Variants in CCDC88C observed in about 807,000 individuals in gnomAD.
CCDC88C encodes protein Daple.
In CCDC88C, 131 loss-of-function variants were observed where a neutral mutation model predicts 198.8. The ratio of observed to expected loss-of-function variants is 0.66; its 90% CI spans 0.57 to 0.76. The LOEUF is 0.76. CCDC88C is among the 30% of genes least tolerant of loss of function. The probability of loss-of-function intolerance (pLI) is 0.00; values close to 1 mark genes in which losing one functional copy is unlikely to be tolerated. For missense variants in CCDC88C, 2,553 were observed against 2,631.6 expected (o/e 0.97, Z 0.65); for synonymous variants, 1,166 against 1,114.7 (o/e 1.05, Z -0.92).
chr14:91,304,105 AC>A, intron 19 of CCDC88C, 127 bp from the exon 20 acceptor site: 1 of 1,081,910 alleles, frequency 9.2e-7, no homozygotes, highest in Non-Finnish European at 1.3e-6. Context: ...CCCAGAGGGT[AC>A]CCAGGATGGC....
chr14:91,364,275 T>A (rs60542501), intron 3 of CCDC88C, among the ~76,000 whole-genome samples: 3,098 of 152,286 alleles, frequency 0.02, 110 homozygotes, highest in African/African-American at 0.07. Flanking sequence ...GGCATTGCAA[T>A]CCAGGGTAGA....
chr14:91,272,669 C>T lies in CCDC88C; in HGVS notation c.6043G>A (p.Gly2015Ser), dbSNP rs367905673. ...SKSSPASPEP[G>S]GDPQTVWYEY... is the part of the protein sequence containing the mutation. ...TACCACACGGTCTGCGGATCCCCGC[C>T]GGGCTCCGGGGAGGCCGGACTGCTC... The change falls in exon 30 of 30, where the codon GGC (glycine) becomes AGC (serine). Residue 2015 changes from glycine (G) to serine (S), a missense_variant. By Grantham distance (56) the Gly-to-Ser change is moderately conservative. Coordinates refer to ENST00000389857, the MANE Select transcript of CCDC88C (RefSeq NM_001080414.4). 361 of 1,611,620 alleles carry T rather than the reference C, an allele frequency of 2.2e-4. 5 individuals carry two copies. The South Asian group carries it at 2.8e-3, about 13-fold the overall frequency.
chr14:91,322,741 C>G (rs536057735), intron 12 of CCDC88C, among the ~76,000 whole-genome samples: 15 of 152,160 alleles, frequency 9.9e-5, no homozygotes, highest in Admixed American at 3.3e-4. Context: ...CAACCATCAC[C>G]ACCATCCCTT....
At chr14:91,324,319 C>G (rs1396051917) in intron 12 of CCDC88C, among the ~76,000 whole-genome samples, 2 of 152,236 alleles carry the variant, frequency 1.3e-5, no homozygotes, top group Non-Finnish European at 2.9e-5. Flanking sequence ...ACTCAGCACC[C>G]TCCCCACCCA....
chr14:91,368,389 A>G (rs722088), intron 3 of CCDC88C, among the ~76,000 whole-genome samples: 63,998 of 152,158 alleles, frequency 0.42, 13,920 homozygotes, highest in African/African-American at 0.51. Flanking sequence ...TTGTGTAAGT[A>G]GAAGATTGAA....
At position 91,313,288 on chromosome 14, in the gene CCDC88C, C is replaced by A. The variant is rs763484279; in HGVS notation, c.2528G>T (p.Arg843Leu). 8 of 1,613,966 alleles carry A rather than the reference C, an allele frequency of 5.0e-6. No homozygotes were observed. The highest frequency in any genetic ancestry group is 1.1e-5 in the South Asian group (1 of 91,090). Residue 843 changes from arginine (R) to leucine (L), a missense_variant, in exon 15 of 30, where the codon CGG becomes CTG. By Grantham distance (102) the Arg-to-Leu change is moderately radical. This residue lies in a region of CCDC88C where 1,260 missense variants were observed against 1,412.0 expected (regional missense o/e 0.89). Coordinates refer to ENST00000389857, the MANE Select transcript of CCDC88C (RefSeq NM_001080414.4). This position sits in a 1 kb window ranked among gnomAD's most constrained non-coding sequence, Gnocchi z 5.2. Reference sequence around the variant, plus strand: ...CTTGAGCTCCACCTGCTGCCACAGCCGCTTGGCCTCCTTCTCCAGCAGCTT... The same window carrying A: ...CTTGAGCTCCACCTGCTGCCACAGCAGCTTGGCCTCCTTCTCCAGCAGCTT... ...DKKLLEKEAKRLWQQVELKDA... is the reference protein window; with the variant it reads ...DKKLLEKEAKLLWQQVELKDA...
At chr14:91,312,349 C>T (rs1217343390) in intron 15 of CCDC88C, among the ~76,000 whole-genome samples, 1 of 152,124 alleles carries the variant, frequency 6.6e-6, no homozygotes, top group East Asian at 1.9e-4. Context: ...GGTCACACCA[C>T]TGCACTCCAG....
chr14:91,287,131 G>C (rs1214915153), intron 25 of CCDC88C, among the ~76,000 whole-genome samples: 2 of 152,102 alleles, frequency 1.3e-5, no homozygotes. Flanking sequence ...CACTTAAAGA[G>C]TAATACAAGT....
chr14:91,289,076 C>T (rs1890542945), intron 25 of CCDC88C, 29 bp downstream of exon 25: 2 of 1,588,950 alleles, frequency 1.3e-6, no homozygotes, highest in Admixed American at 1.7e-5. Flanking sequence ...CCTTCCTCAC[C>T]CGACCACGGC....
At chr14:91,278,428 G>T (rs1191382378) in intron 28 of CCDC88C, among the ~76,000 whole-genome samples, 1 of 152,226 alleles carries the variant, frequency 6.6e-6, no homozygotes, top group Non-Finnish European at 1.5e-5. Context: ...AAAGTGGAAA[G>T]CTTCTGCTGA....
rs996590028 is a variant in CCDC88C at position 91,325,178 on chromosome 14, C to G, written c.1198-255G>C. On this transcript the variant is annotated intron_variant, in intron 11 of 29. Coordinates refer to ENST00000389857, the MANE Select transcript of CCDC88C (RefSeq NM_001080414.4). This position sits in a 1 kb window ranked among gnomAD's most constrained non-coding sequence, Gnocchi z 4.1. ...GCCGGGGTCCCTAACTGAATGCTGT[C>G]TGAACAAAGTGACATACTGCACAGG... 3.9e-5 allele frequency among the ~76,000 whole-genome samples: 6 copies of G among 152,210 alleles called. No homozygotes were observed. The highest frequency in any genetic ancestry group is 1.4e-4 in the African/African-American group (6 of 41,442).
At chr14:91,342,247 G>A in intron 6 of CCDC88C, 133 bp downstream of exon 6, 2 of 590,870 alleles carry the variant, frequency 3.4e-6, no homozygotes, top group South Asian at 4.3e-5. Context: ...TGTGGTGTCT[G>A]AAACCTAAGA....
chr14:91,394,651 GACAA>G (rs967043553), intron 3 of CCDC88C, among the ~76,000 whole-genome samples: 3 of 152,350 alleles, frequency 2.0e-5, no homozygotes, highest in Admixed American at 6.5e-5. Flanking sequence ...TGGTGTGACA[GACAA>G]ACAGAAAGAT....
intron 12 of CCDC88C, among the ~76,000 whole-genome samples, chr14:91,321,707 C>G (rs1333903164): frequency 6.6e-6 from 1 of 152,182 alleles, no homozygotes; most frequent in Non-Finnish European, 1.5e-5. Flanking sequence ...CTCGGCTGCT[C>G]AGCAGGCAGG....
In CCDC88C at chr14:91,309,981, C is replaced by A. The variant is rs767930304; in HGVS notation, c.2742G>T (p.Leu914=). The A allele has an allele frequency of 3.8e-6, 6 of 1,597,466 alleles. No homozygotes were observed. In the South Asian group the frequency reaches 5.6e-5, roughly 15 times the overall value. Residue 914 remains leucine (L), a synonymous_variant, in exon 16 of 30, where the codon CTG becomes CTT. Transcript: ENST00000389857. The part of the protein sequence containing the change: ...ARTLTTLRED[L]VLEKLKSQQL... Reference sequence around the variant, plus strand: ...GCTGGCTCTTCAGCTTCTCGAGCACCAGGTCCTGGAATGATGGGGAGAGAG... The same window carrying A: ...GCTGGCTCTTCAGCTTCTCGAGCACAAGGTCCTGGAATGATGGGGAGAGAG...
intron 29 of CCDC88C, among the ~76,000 whole-genome samples, chr14:91,275,322 C>A (rs950357110): frequency 6.6e-6 from 1 of 152,036 alleles, no homozygotes; most frequent in Non-Finnish European, 1.5e-5. Context: ...CAGGGAGGGG[C>A]CCCACTCCTT....
Position 91,294,173 on chromosome 14 carries a change from A to C in CCDC88C, c.4112T>G (p.Ile1371Arg). The change falls in exon 23 of 30, where the codon ATA becomes AGA. Residue 1371 changes from isoleucine (I) to arginine (R), a missense_variant and splice_region_variant. This residue lies in a region of CCDC88C where 1,293 missense variants were observed against 1,219.6 expected (regional missense o/e 1.06). Transcript: ENST00000389857. Reference sequence around the variant, plus strand: ...AGGGGTTCAGGGACTCCCTGCTTACATGTACTGCTTCTGCTCCTCATGGTA... The same window carrying C: ...AGGGGTTCAGGGACTCCCTGCTTACCTGTACTGCTTCTGCTCCTCATGGTA... ...EQYHEEQKQY[I>R]DKLNALRRHK... 4 of 1,613,914 alleles carry C rather than the reference A, an allele frequency of 2.5e-6. No homozygotes were observed. The highest frequency in any genetic ancestry group is 3.4e-6 in the Non-Finnish European group (4 of 1,179,830).
At position 91,283,427 on chromosome 14, in the gene CCDC88C, C is replaced by T. The variant is rs1313718738; in HGVS notation, c.4532G>A (p.Trp1511Ter). The T allele has an allele frequency of 6.2e-7, 1 of 1,613,540 alleles. No homozygotes were observed. The change falls in exon 26 of 30, where the codon TGG becomes TAG. Residue 1511 changes from tryptophan to a stop codon, truncating the protein, a stop_gained. Transcript: ENST00000389857. LOFTEE classifies it high-confidence loss of function. ...DASTDLAMRS[W>*]PSELGSRTCS... ...AGTCCGGGAGCCCAGCTCCGAGGGC[C>T]AGGACCTCATGGCCAGATCGGTGGA...
intron 3 of CCDC88C, among the ~76,000 whole-genome samples, chr14:91,402,518 C>A (rs1297758812): frequency 6.6e-6 from 1 of 152,126 alleles, no homozygotes; most frequent in Non-Finnish European, 1.5e-5. Context: ...TGTGTGTACA[C>A]AAGTGTGTAT....
Sources: gnomAD v4.1 joint callset for allele counts (sites outside exome capture counted in the v4.1 genomes callset) on GRCh38, gnomAD v4.1.1 for gene constraint, gnomAD v4.1.1 regional missense constraint, Gnocchi (gnomAD v3.1) non-coding constraint, MANE v1.5 for transcripts, NCBI Gene and HGNC (gene_info 2026-07-23, HGNC 2026-07-21) for gene names.